Variants in PROSER2 observed in about 807,000 individuals in gnomAD.
The protein encoded by PROSER2 is proline and serine rich 2.
Under a neutral mutation model 14.6 loss-of-function variants are expected in PROSER2, and 18 were observed. That is an observed-to-expected ratio of 1.23 (90% CI 0.85 to 1.83). PROSER2 has a LOEUF of 1.83. PROSER2 is among the 40% of genes most tolerant of loss of function. The pLI is 0.00. For synonymous variants in PROSER2, 367 were observed against 286.4 expected (o/e 1.28, Z -2.84); for missense variants, 823 against 629.8 (o/e 1.31, Z -3.28).
chr10:11,856,926 C>T lies in PROSER2; in HGVS notation c.138+4711C>T, dbSNP rs902242005. ...GAGGTGCCTTGAGGGAGGAGCCGCC[C>T]CATCAGCCATAACCCCGCCCTTTCA... On this transcript the variant is annotated intron_variant, in intron 2 of 3. Transcript: ENST00000277570. The surrounding 1 kb of genome is among the most constrained non-coding windows in gnomAD (Gnocchi z 5.3). Among the ~76,000 whole-genome samples, 1 of 152,222 alleles carries T rather than the reference C, an allele frequency of 6.6e-6. No individual in the cohort carries two copies. Among genetic ancestry groups the T allele is most frequent in the African/African-American group, 2.4e-5 (1 of 41,460 alleles).
At chr10:11,844,360 A>G (rs1208265584) in intron 1 of PROSER2, among the ~76,000 whole-genome samples, 1 of 152,176 alleles carries the variant, frequency 6.6e-6, no homozygotes, top group Non-Finnish European at 1.5e-5. Context: ...AAAAAAGAAA[A>G]GGTAATTATA....
At position 11,840,355 on chromosome 10, in the gene PROSER2, A is replaced by G. The variant is rs538173889; in HGVS notation, c.-81-11642A>G. On this transcript the variant is annotated intron_variant, in intron 1 of 3. Coordinates refer to ENST00000277570, the MANE Select transcript of PROSER2 (RefSeq NM_153256.4). ...TTTAAAAACATTTCTGCATAATTTT[A>G]AGTTTCTCAAATGCTTCTTTCATCA... is the stretch of plus-strand genomic sequence containing the variant. Among the ~76,000 whole-genome samples, 20 of 152,164 alleles carry G rather than the reference A, an allele frequency of 1.3e-4. No homozygotes were observed. In the South Asian group the frequency reaches 4.1e-3, roughly 32 times the overall value.
Position 11,825,009 on chromosome 10 carries a change from T to C in PROSER2, c.-82+1539T>C, listed in dbSNP as rs1032862046. Among the ~76,000 whole-genome samples the C allele has an allele frequency of 2.0e-5, 3 of 152,162 alleles. No individual in the cohort carries two copies. The South Asian group carries it at 6.2e-4, about 32-fold the overall frequency. ...TGACTGGTCGTCCAGCATACAGTCA[T>C]TTCTAGATAACAGCCACATGGCCCA... is the stretch of plus-strand genomic sequence containing the variant. On this transcript the variant is annotated intron_variant, in intron 1 of 3. Transcript: ENST00000277570.
In PROSER2 at chr10:11,866,105, AAT is replaced by A. The variant is rs201811700; in HGVS notation, c.139-425_139-424del. ...ATTGTGATTTGTGCCTTAAAAAAAA[AAT>A]CCCTTCGTTTTAGTACGGTTTCTGG... On this transcript the variant is annotated intron_variant, in intron 2 of 3. Coordinates refer to ENST00000277570, the MANE Select transcript of PROSER2 (RefSeq NM_153256.4). This position sits in a 1 kb window ranked among gnomAD's most constrained non-coding sequence, Gnocchi z 6.0. Among the ~76,000 whole-genome samples the A allele has an allele frequency of 2.0e-5, 3 of 150,298 alleles. No individual in the cohort carries two copies. The highest frequency in any genetic ancestry group is 3.9e-4 in the East Asian group (2 of 5,126).
chr10:11,855,277 T>C (rs1328614642), intron 2 of PROSER2, among the ~76,000 whole-genome samples: 2 of 151,054 alleles, frequency 1.3e-5, no homozygotes, highest in African/African-American at 4.9e-5. Context: ...ATTGAGACCA[T>C]CCTGGCTAAG....
At position 11,830,269 on chromosome 10, in the gene PROSER2, A is replaced by C. The variant is rs1322112214; in HGVS notation, c.-82+6799A>C. 6.6e-6 allele frequency among the ~76,000 whole-genome samples: 1 copy of C among 152,172 alleles called. No homozygotes were observed. Among genetic ancestry groups the C allele is most frequent in the Non-Finnish European group, 1.5e-5 (1 of 68,030 alleles). ...CATCGTTTAGTTCCCACTTGTGAGA[A>C]CATGCAGTGTTTGACTTTCAGAGTT... On this transcript the variant is annotated intron_variant, in intron 1 of 3. Coordinates refer to ENST00000277570, the MANE Select transcript of PROSER2 (RefSeq NM_153256.4). This position sits in a 1 kb window ranked among gnomAD's most constrained non-coding sequence, Gnocchi z 4.5.
In PROSER2 at chr10:11,862,176, C is replaced by G. The variant is rs934980748; in HGVS notation, c.139-4355C>G. Among the ~76,000 whole-genome samples, 10 of 152,108 alleles carry G rather than the reference C, an allele frequency of 6.6e-5. No individual in the cohort carries two copies. The highest frequency in any genetic ancestry group is 2.4e-4 in the African/African-American group (10 of 41,424). On this transcript the variant is annotated intron_variant, in intron 2 of 3. Transcript: ENST00000277570. This position sits in a 1 kb window ranked among gnomAD's most constrained non-coding sequence, Gnocchi z 4.2. ...GAAGCCATGAGCCATATTCATGGGT[C>G]AAGAAAAGATCGCAGAGACATCAGT...
chr10:11,842,890 G>A (rs1370735613), intron 1 of PROSER2, among the ~76,000 whole-genome samples: 2 of 141,776 alleles, frequency 1.4e-5, no homozygotes, highest in Non-Finnish European at 3.1e-5. Context: ...GGTTTCAGAT[G>A]AAACAGAACT....
At chr10:11,825,991 T>C (rs1397743283) in intron 1 of PROSER2, among the ~76,000 whole-genome samples, 3 of 152,058 alleles carry the variant, frequency 2.0e-5, no homozygotes, top group Non-Finnish European at 4.4e-5. Context: ...TTCCAGAACT[T>C]TTTCATCACT....
At chr10:11,826,027 GA>G (rs1254129716) in intron 1 of PROSER2, among the ~76,000 whole-genome samples, 2 of 151,804 alleles carry the variant, frequency 1.3e-5, no homozygotes, top group Non-Finnish European at 2.9e-5. Flanking sequence ...TTAAGCAGAC[GA>G]TTCCCATTGC....
intron 1 of PROSER2, among the ~76,000 whole-genome samples, chr10:11,845,538 T>C (rs1232855875): frequency 2.0e-5 from 3 of 152,158 alleles, no homozygotes; most frequent in Admixed American, 1.3e-4. Context: ...GAAAGTTTAA[T>C]ACTTAGATTA....
At chr10:11,826,189 C>G (rs761303512) in intron 1 of PROSER2, among the ~76,000 whole-genome samples, 13 of 152,160 alleles carry the variant, frequency 8.5e-5, no homozygotes, top group Admixed American at 3.9e-4. Context: ...CCGTCCGTGT[C>G]GCGGCGTGTA....
intron 1 of PROSER2, among the ~76,000 whole-genome samples, chr10:11,846,319 C>G (rs74396763): frequency 0.015 from 2,229 of 152,226 alleles, 45 homozygotes; most frequent in African/African-American, 0.051. Flanking sequence ...CAGCTCTCCT[C>G]CCCTCTGAGA....
At position 11,869,374 on chromosome 10, in the gene PROSER2, C is replaced by T; in HGVS notation, c.392-116C>T. ...GAGAGGAGTTGACTCACAGGCAGCA[C>T]CGGCGAAGTTGGTGTCAGGTCCAGG... On this transcript the variant is annotated intron_variant, in intron 3 of 3. Coordinates refer to ENST00000277570, the MANE Select transcript of PROSER2 (RefSeq NM_153256.4). The surrounding 1 kb of genome is among the most constrained non-coding windows in gnomAD (Gnocchi z 4.4). 1.4e-6 allele frequency: 1 copy of T among 714,804 alleles called. No homozygotes were observed. Among genetic ancestry groups the T allele is most frequent in the South Asian group, 1.7e-5 (1 of 58,452 alleles). 44.3% of individuals were successfully genotyped at this position (714,804 alleles called of 1,614,324 possible).
intron 1 of PROSER2, among the ~76,000 whole-genome samples, chr10:11,826,083 A>G (rs1833608303): frequency 1.3e-5 from 2 of 152,140 alleles, no homozygotes; most frequent in Non-Finnish European, 1.5e-5. Context: ...CTGTCTCGGT[A>G]GACTTGCCCC....
rs761664720 is a variant in PROSER2 at position 11,866,595 on chromosome 10, C to T, written c.203C>T (p.Thr68Met). Residue 68 changes from threonine to methionine, a missense_variant, in exon 3 of 4, where the codon ACG (threonine) becomes ATG (methionine). Transcript: ENST00000277570. The surrounding 1 kb of genome is among the most constrained non-coding windows in gnomAD (Gnocchi z 6.0). ...EKDVLLFFEE[T>M]IDSLDEDFEE... Reference sequence around the variant, plus strand: ...GATGTGCTCCTGTTTTTTGAAGAGACGATTGACTCCCTAGACGAGGACTTT... The same window carrying T: ...GATGTGCTCCTGTTTTTTGAAGAGATGATTGACTCCCTAGACGAGGACTTT... The T allele has an allele frequency of 3.4e-5, 55 of 1,614,058 alleles. No individual in the cohort carries two copies. Among genetic ancestry groups the T allele is most frequent in the Middle Eastern group, 1.6e-4 (1 of 6,084 alleles).
chr10:11,867,555 C>T (rs1834377594), intron 3 of PROSER2, among the ~76,000 whole-genome samples: 1 of 152,148 alleles, frequency 6.6e-6, no homozygotes, highest in Admixed American at 6.5e-5. Context: ...ACCTAGGAGG[C>T]AGAGGTTGCA....
At chr10:11,833,594 G>C (rs1833717667) in intron 1 of PROSER2, among the ~76,000 whole-genome samples, 2 of 152,036 alleles carry the variant, frequency 1.3e-5, no homozygotes, top group African/African-American at 4.8e-5. Context: ...TGGAGGCTGA[G>C]GCAGGAGAAT....
At chr10:11,839,489 C>T (rs1833806435) in intron 1 of PROSER2, among the ~76,000 whole-genome samples, 1 of 152,188 alleles carries the variant, frequency 6.6e-6, no homozygotes, top group East Asian at 1.9e-4. Context: ...TCACTGCTGT[C>T]TATCCTAGTA....
Sources: gnomAD v4.1 joint callset for allele counts (sites outside exome capture counted in the v4.1 genomes callset) on GRCh38, gnomAD v4.1.1 for gene constraint, Gnocchi (gnomAD v3.1) non-coding constraint, MANE v1.5 for transcripts, NCBI Gene and HGNC (gene_info 2026-07-23, HGNC 2026-07-21) for gene names.